OPHN1: variants seen among roughly 807,000 people sequenced by gnomAD.
OPHN1 encodes the protein oligophrenin 1, also known as oligophrenin-1.
Under a neutral mutation model 60.7 loss-of-function variants are expected in OPHN1, and 11 were observed. The observed-to-expected ratio is 0.18, with a 90% confidence interval of 0.11 to 0.30. The LOEUF (loss-of-function observed/expected upper bound fraction) is 0.30, where lower values mean the gene tolerates loss of function less well. OPHN1 is among the 10% of genes least tolerant of loss of function. OPHN1 has a pLI of 1.00. For missense variants in OPHN1, 449 were observed against 611.0 expected, an observed-to-expected ratio of 0.73 and a Z score of 2.80; for synonymous variants, 226 against 222.6, an observed-to-expected ratio of 1.02 and a Z score of -0.14.
intron 6 of OPHN1, among the ~76,000 whole-genome samples, chrX:68,229,313 A>G (rs1204133754): frequency 1.8e-5 from 2 of 112,048 alleles, no homozygotes; most frequent in Non-Finnish European, 3.8e-5. Flanking sequence ...GGAAGAATCA[A>G]TATCGTGAAA....
In OPHN1 at chrX:68,431,719, C is replaced by T. The variant is rs952932179; in HGVS notation, c.154+1148G>A. On this transcript the variant is annotated intron_variant, in intron 2 of 24. Coordinates refer to ENST00000355520, the MANE Select transcript of OPHN1 (RefSeq NM_002547.3). ...CTGGGATTACAGGCGTGAGCCACCT[C>T]GCCCAGCCTCGCACTACCACTTTCA... 9.0e-5 allele frequency among the ~76,000 whole-genome samples: 10 copies of T among 111,186 alleles called. No homozygotes were observed. The East Asian group carries it at 2.9e-3, about 32-fold the overall frequency.
intron 15 of OPHN1, among the ~76,000 whole-genome samples, chrX:68,187,234 G>A (rs2077466741): frequency 8.9e-6 from 1 of 111,866 alleles, no homozygotes; most frequent in Non-Finnish European, 1.9e-5. Context: ...TCAGGAACCT[G>A]GGAATATGTT....
intron 19 of OPHN1, among the ~76,000 whole-genome samples, chrX:68,079,625 C>T (rs756455480): frequency 1.1e-3 from 127 of 111,843 alleles, no homozygotes; most frequent in Middle Eastern, 4.6e-3. Context: ...CACTCATTCG[C>T]TTTCTCAACC....
intron 19 of OPHN1, among the ~76,000 whole-genome samples, chrX:68,086,712 C>G (rs1328954275): frequency 8.9e-6 from 1 of 111,835 alleles, no homozygotes; most frequent in East Asian, 2.8e-4. Flanking sequence ...AGAAAATTAT[C>G]ACTAGAACTT....
intron 2 of OPHN1, among the ~76,000 whole-genome samples, chrX:68,383,598 GAAAAAAAAAA>G (rs10591078): frequency 2.2e-4 from 5 of 22,360 alleles, no homozygotes; most frequent in South Asian, 2.6e-3. Context: ...CTCCATCCCA[GAAAAAAAAAA>G]AAAAAAAAAA....
At chrX:68,072,195 A>T (rs760431597) in intron 20 of OPHN1, among the ~76,000 whole-genome samples, 1 of 112,309 alleles carries the variant, frequency 8.9e-6, no homozygotes, top group South Asian at 3.7e-4. Context: ...CACAGTGTAA[A>T]CTGAGATGCC....
chrX:68,105,599 T>G (rs1405229908), intron 18 of OPHN1, among the ~76,000 whole-genome samples: 1 of 98,123 alleles, frequency 1.0e-5, no homozygotes, highest in African/African-American at 3.9e-5. Flanking sequence ...TAAGTGGGAG[T>G]TGAACAGTGA....
At chrX:68,425,796 G>A (rs1176384312) in intron 2 of OPHN1, among the ~76,000 whole-genome samples, 1 of 85,753 alleles carries the variant, frequency 1.2e-5, no homozygotes, top group Non-Finnish European at 2.3e-5. Flanking sequence ...TTGAGCCAAT[G>A]CACCTGGACT....
intron 6 of OPHN1, among the ~76,000 whole-genome samples, chrX:68,223,036 A>G (rs1398453243): frequency 8.9e-6 from 1 of 112,234 alleles, no homozygotes; most frequent in Admixed American, 9.4e-5. Context: ...TAAAAAGTCA[A>G]AAAACAAAAG....
intron 2 of OPHN1, among the ~76,000 whole-genome samples, chrX:68,317,388 G>A (rs796797351): frequency 0.013 from 532 of 40,668 alleles, 3 homozygotes; most frequent in South Asian, 0.026. Context: ...AGGAAGGAAG[G>A]AAGGAAGGAA....
intron 2 of OPHN1, among the ~76,000 whole-genome samples, chrX:68,401,744 G>A: frequency 9.0e-6 from 1 of 111,671 alleles, no homozygotes; most frequent in Non-Finnish European, 1.9e-5. Flanking sequence ...ATGATGGGCA[G>A]ACTTCAATAA....
At chrX:68,286,169 C>T (rs1450921378) in intron 3 of OPHN1, among the ~76,000 whole-genome samples, 1 of 111,128 alleles carries the variant, frequency 9.0e-6, no homozygotes, top group Admixed American at 9.6e-5. Context: ...CCTCTCTTTC[C>T]CCAGAGCTTG....
chrX:68,358,458 T>C (rs1283343448), intron 2 of OPHN1, among the ~76,000 whole-genome samples: 2 of 112,187 alleles, frequency 1.8e-5, no homozygotes, highest in Non-Finnish European at 3.8e-5. Flanking sequence ...ACAGGATTTA[T>C]AACAAAGGGA....
rs768884850 is a variant in OPHN1 at position 68,341,631 on chromosome X, C to T, written c.155-42535G>A. Among the ~76,000 whole-genome samples the T allele has an allele frequency of 3.6e-5, 4 of 110,884 alleles. No individual in the cohort carries two copies. The South Asian group carries it at 1.5e-3, about 43-fold the overall frequency. ...GGTATATCACTTGAGTTCAGGAGTT[C>T]AAGACCAGCCTGGGCAACACAGGGA... On this transcript the variant is annotated intron_variant, in intron 2 of 24. Coordinates refer to ENST00000355520, the MANE Select transcript of OPHN1 (RefSeq NM_002547.3).
chrX:68,117,840 A>G (rs887375232), intron 16 of OPHN1, among the ~76,000 whole-genome samples: 1 of 111,409 alleles, frequency 9.0e-6, no homozygotes, highest in Admixed American at 9.5e-5. Context: ...GGTGCCGCCC[A>G]CTCGCACTTT....
At chrX:68,115,557 A>G (rs1164053483) in intron 16 of OPHN1, among the ~76,000 whole-genome samples, 1 of 112,418 alleles carries the variant, frequency 8.9e-6, no homozygotes, top group African/African-American at 3.2e-5. Context: ...ACAACTTCAA[A>G]TGTTACAAAA....
At chrX:68,133,850 G>A (rs1416504857) in intron 15 of OPHN1, among the ~76,000 whole-genome samples, 3 of 111,206 alleles carry the variant, frequency 2.7e-5, no homozygotes, top group Non-Finnish European at 5.7e-5. Flanking sequence ...GGGGATTCTG[G>A]CTGAGCTTGA....
chrX:68,377,343 A>C (rs1392139327), intron 2 of OPHN1, among the ~76,000 whole-genome samples: 3 of 108,196 alleles, frequency 2.8e-5, no homozygotes, highest in Middle Eastern at 9.3e-3. Context: ...TGATCCGCCC[A>C]CCTCAGCCTC....
intron 15 of OPHN1, among the ~76,000 whole-genome samples, chrX:68,168,521 T>C (rs975431252): frequency 3.6e-5 from 4 of 110,502 alleles, no homozygotes; most frequent in South Asian, 7.9e-4. Context: ...GAGGTAAATT[T>C]ATAGCACTAA....
Sources: allele counts gnomAD v4.1 joint callset (sites outside exome capture counted in the v4.1 genomes callset), GRCh38; gene constraint gnomAD v4.1.1; transcripts MANE v1.5; gene names NCBI Gene and HGNC (gene_info 2026-07-23, HGNC 2026-07-21).